Variants in MAP4K5 observed in about 807,000 individuals in gnomAD.
MAP4K5 encodes the protein MAPK/ERK kinase kinase kinase 5.
MAP4K5 carries 82 observed loss-of-function variants against 135.6 expected under a neutral mutation model. The ratio of observed to expected loss-of-function variants is 0.60; its 90% CI spans 0.51 to 0.73. The LOEUF (loss-of-function observed/expected upper bound fraction) is 0.73. MAP4K5 is among the 30% of genes least tolerant of loss of function. MAP4K5 has a pLI of 0.00. For missense variants in MAP4K5, 907 were observed against 1,010.9 expected (o/e 0.90, Z 1.39); for synonymous variants, 347 against 335.0 (o/e 1.04, Z -0.39).
intron 21 of MAP4K5, among the ~76,000 whole-genome samples, chr14:50,442,275 C>A (rs935604055): frequency 3.3e-5 from 5 of 152,002 alleles, no homozygotes; most frequent in Admixed American, 2.0e-4. Flanking sequence ...CTTCTCTCTT[C>A]CTTATGTAAA....
At chr14:50,520,328 A>G (rs184783631) in intron 2 of MAP4K5, among the ~76,000 whole-genome samples, 21 of 152,308 alleles carry the variant, frequency 1.4e-4, no homozygotes, top group Admixed American at 1.2e-3. Flanking sequence ...GTGAAACCCC[A>G]TCTCTACTAA....
At chr14:50,445,639 A>G (rs1448902863) in intron 17 of MAP4K5, among the ~76,000 whole-genome samples, 1 of 152,058 alleles carries the variant, frequency 6.6e-6, no homozygotes, top group East Asian at 1.9e-4. Context: ...GCACGATCTC[A>G]GCTCACTGCA....
intron 1 of MAP4K5, chr14:50,560,408 C>A (rs992422995): frequency 2.8e-6 from 4 of 1,413,392 alleles, no homozygotes; most frequent in Non-Finnish European, 3.9e-6. Context: ...CCTGCGTCCA[C>A]GGCTGGGAGA....
At chr14:50,503,920 G>C (rs1158943420) in intron 3 of MAP4K5, among the ~76,000 whole-genome samples, 1 of 151,880 alleles carries the variant, frequency 6.6e-6, no homozygotes, top group Non-Finnish European at 1.5e-5. Context: ...TGACATTTTG[G>C]AGATCATTTT....
Position 50,418,938 on chromosome 14 carries a change from T to C in MAP4K5, c.*1081A>G, listed in dbSNP as rs1566626615. The stretch of plus-strand genomic sequence containing the variant: ...TAGAATACTGGCTTTTAAATACTTA[T>C]TGATACTATCCCATCAGGAATTCAA... On this transcript the variant is annotated 3_prime_UTR_variant, in exon 33 of 33. Transcript: ENST00000682126. The C allele has an allele frequency of 6.6e-6, 1 of 152,204 alleles. No individual in the cohort carries two copies. Among genetic ancestry groups the C allele is most frequent in the Non-Finnish European group, 1.5e-5 (1 of 68,014 alleles). 9.4% of individuals were successfully genotyped at this position (152,204 alleles called of 1,614,324 possible).
chr14:50,430,098 G>A (rs2035936166), intron 28 of MAP4K5, among the ~76,000 whole-genome samples: 1 of 151,630 alleles, frequency 6.6e-6, no homozygotes. Context: ...GTACTACACA[G>A]ACATTTCATA....
intron 1 of MAP4K5, among the ~76,000 whole-genome samples, chr14:50,543,160 G>A (rs1300288938): frequency 6.6e-6 from 1 of 152,210 alleles, no homozygotes; most frequent in East Asian, 1.9e-4. Context: ...GTGCCTACGT[G>A]ACAATAGGAA....
In MAP4K5 at chr14:50,511,676, C is replaced by A. The variant is rs561890018; in HGVS notation, c.109-6819G>T. 1.2e-3 allele frequency among the ~76,000 whole-genome samples: 186 copies of A among 152,016 alleles called. 1 individual carries two copies. The Middle Eastern group carries it at 0.017, about 14-fold the overall frequency. ...CACTATGAGTCACTATGAATCTTACCCATATGTACAACTGTCAATTTTTTT... is the reference window on the plus strand; with the variant it reads ...CACTATGAGTCACTATGAATCTTACACATATGTACAACTGTCAATTTTTTT... On this transcript the variant is annotated intron_variant, in intron 2 of 32. Transcript: ENST00000682126.
At chr14:50,527,228 A>T (rs943801963) in intron 2 of MAP4K5, among the ~76,000 whole-genome samples, 4 of 152,132 alleles carry the variant, frequency 2.6e-5, no homozygotes, top group African/African-American at 9.7e-5. Context: ...AATCCCAGCT[A>T]CTCAGGAGGC....
chr14:50,480,371 T>C (rs1435113484), intron 6 of MAP4K5, among the ~76,000 whole-genome samples: 2 of 151,396 alleles, frequency 1.3e-5, no homozygotes, highest in Non-Finnish European at 2.9e-5. Flanking sequence ...CACCCTGTTG[T>C]GTTATCAAAT....
rs989768711 is a variant in MAP4K5 at position 50,551,308 on chromosome 14, C to A, written c.-179-8724G>T. Among the ~76,000 whole-genome samples the A allele has an allele frequency of 8.6e-5, 13 of 150,994 alleles. No homozygotes were observed. In the East Asian group the frequency reaches 2.2e-3, roughly 25 times the overall value. On this transcript the variant is annotated intron_variant, in intron 1 of 8. Transcript: ENST00000555216. The stretch of plus-strand genomic sequence containing the variant: ...TGGATAAATTCCTGGAAATGTACAA[C>A]CCTCCTGATTAAATCAGGAAGAAAT...
At chr14:50,550,670 C>T (rs2038691380) in intron 1 of MAP4K5, among the ~76,000 whole-genome samples, 1 of 152,130 alleles carries the variant, frequency 6.6e-6, no homozygotes, top group Non-Finnish European at 1.5e-5. Context: ...TCTCAATAAA[C>T]TTAAGAAAAT....
intron 2 of MAP4K5, among the ~76,000 whole-genome samples, chr14:50,539,590 C>G (rs919827556): frequency 1.3e-5 from 2 of 152,220 alleles, no homozygotes; most frequent in Non-Finnish European, 2.9e-5. Flanking sequence ...GGCCTAGAAC[C>G]TATGACATGG....
chr14:50,528,984 T>C (rs1319984812), intron 2 of MAP4K5, among the ~76,000 whole-genome samples: 1 of 152,310 alleles, frequency 6.6e-6, no homozygotes, highest in African/African-American at 2.4e-5. Flanking sequence ...AGGACTTAGA[T>C]CACTGATAGT....
At chr14:50,511,531 T>C (rs1292479147) in intron 2 of MAP4K5, among the ~76,000 whole-genome samples, 6 of 152,082 alleles carry the variant, frequency 3.9e-5, no homozygotes, top group African/African-American at 1.2e-4. Context: ...CAATAATATA[T>C]TACATAGTTT....
chr14:50,482,755 G>A (rs1010137659), intron 5 of MAP4K5: 6 of 171,884 alleles, frequency 3.5e-5, no homozygotes, highest in Non-Finnish European at 7.4e-5. Flanking sequence ...CCAGCCTGGC[G>A]GCAGAACGAG....
At chr14:50,422,517 GA>G (rs1320349484) in intron 32 of MAP4K5, among the ~76,000 whole-genome samples, 1 of 151,878 alleles carries the variant, frequency 6.6e-6, no homozygotes, top group African/African-American at 2.4e-5. Flanking sequence ...AAAGAGGAAG[GA>G]ATGGGTATTT....
At chr14:50,426,043 T>C in intron 30 of MAP4K5, 66 bp from the exon 31 acceptor site, 1 of 1,011,950 alleles carries the variant, frequency 9.9e-7, no homozygotes. Context: ...AAATTTTCTC[T>C]ACTTTTAATA....
rs749875374 is a variant in MAP4K5, at chr14:50,462,752, A to G, written c.849T>C (p.Ser283=). 1 of 1,610,228 alleles carries G rather than the reference A, an allele frequency of 6.2e-7. No individual in the cohort carries two copies. The highest frequency in any genetic ancestry group is 8.5e-7 in the Non-Finnish European group (1 of 1,177,752). ...CTAACAGTTCAACTGCTAGGGCTCT[A>G]GAGAGACCTGGCTGTGCAACAAAAG... is the stretch of plus-strand genomic sequence containing the variant. The part of the protein sequence containing the change: ...THTFVAQPGL[S]RALAVELLDK... Residue 283 remains serine (S), a synonymous_variant, in exon 13 of 33, where the codon TCT becomes TCC. Transcript: ENST00000682126.
Sources: gnomAD v4.1 joint callset for allele counts (sites outside exome capture counted in the v4.1 genomes callset) on GRCh38, gnomAD v4.1.1 for gene constraint, MANE v1.5 for transcripts, NCBI Gene and HGNC (gene_info 2026-07-23, HGNC 2026-07-21) for gene names.